Variants in ROBO1 observed in about 807,000 individuals in gnomAD.
ROBO1 encodes the protein roundabout homolog 1.
In ROBO1, 149 loss-of-function variants were observed where a neutral mutation model predicts 195.9. The observed-to-expected ratio is 0.76, with a 90% CI of 0.67 to 0.87. The LOEUF (loss-of-function observed/expected upper bound fraction) is 0.87, where lower values mean the gene tolerates loss of function less well. Ranked by LOEUF, ROBO1 falls within the 40% of genes least tolerant of loss-of-function variation. The pLI is 0.00. For synonymous variants in ROBO1, 816 were observed against 733.2 expected (o/e 1.11, Z -1.82); for missense variants, 1,933 against 2,068.3 (o/e 0.93, Z 1.27).
intron 2 of ROBO1, among the ~76,000 whole-genome samples, chr3:79,508,725 A>G (rs1940543208): frequency 6.6e-6 from 1 of 152,176 alleles, no homozygotes; most frequent in Non-Finnish European, 1.5e-5. Flanking sequence ...AAAAATCAAA[A>G]ATATAAATGA....
intron 3 of ROBO1, among the ~76,000 whole-genome samples, chr3:78,988,359 T>C (rs2077160617): frequency 6.6e-6 from 1 of 152,140 alleles, no homozygotes; most frequent in Non-Finnish European, 1.5e-5. Context: ...GGATTTCAAT[T>C]AGCAAAAATT....
chr3:78,979,629 C>A (rs2076950293), intron 3 of ROBO1, among the ~76,000 whole-genome samples: 2 of 152,086 alleles, frequency 1.3e-5, no homozygotes, highest in South Asian at 4.1e-4. Context: ...ACTTCTTTAG[C>A]TTTCAACCCC....
At chr3:78,991,215 A>C (rs1036395856) in intron 3 of ROBO1, among the ~76,000 whole-genome samples, 4 of 152,156 alleles carry the variant, frequency 2.6e-5, no homozygotes, top group Non-Finnish European at 4.4e-5. Context: ...AGATGGAAAA[A>C]CAATTGGGGT....
intron 2 of ROBO1, among the ~76,000 whole-genome samples, chr3:79,167,131 G>C (rs1411005457): frequency 3.0e-5 from 4 of 134,194 alleles, no homozygotes; most frequent in Non-Finnish European, 6.3e-5. Flanking sequence ...TCAAGATACT[G>C]CTGATAATAT....
intron 1 of ROBO1, among the ~76,000 whole-genome samples, chr3:79,603,370 C>A (rs989757771): frequency 6.6e-6 from 1 of 151,978 alleles, no homozygotes. Flanking sequence ...GGGCATCTCA[C>A]CCTCTTGACA....
intron 28 of ROBO1, among the ~76,000 whole-genome samples, chr3:78,614,446 T>G (rs146949208): frequency 1.0e-3 from 152 of 152,308 alleles, no homozygotes; most frequent in African/African-American, 3.6e-3. Flanking sequence ...TTTTTTTAAA[T>G]AACAAGCTTA....
intron 3 of ROBO1, among the ~76,000 whole-genome samples, chr3:79,067,548 A>T (rs72892079): frequency 0.027 from 4,044 of 152,088 alleles, 183 homozygotes; most frequent in African/African-American, 0.091. Flanking sequence ...TCTGAATCTC[A>T]GGTCACTTTC....
chr3:79,561,868 A>T (rs960873845), intron 2 of ROBO1, among the ~76,000 whole-genome samples: 3 of 152,182 alleles, frequency 2.0e-5, no homozygotes, highest in Admixed American at 2.0e-4. Context: ...TCTATTAGAC[A>T]TAAAATGCCT....
chr3:79,565,664 C>G (rs913360403), intron 2 of ROBO1, among the ~76,000 whole-genome samples: 6 of 152,018 alleles, frequency 3.9e-5, no homozygotes, highest in Non-Finnish European at 8.8e-5. Flanking sequence ...AGAGTGAAAG[C>G]TGACCTTAAG....
At chr3:78,957,244 T>G (rs1446088592) in intron 3 of ROBO1, among the ~76,000 whole-genome samples, 2 of 151,488 alleles carry the variant, frequency 1.3e-5, no homozygotes, top group Admixed American at 6.6e-5. Context: ...TCGAAATATA[T>G]GTACTAAATG....
chr3:78,789,088 G>T (rs2083938965), intron 4 of ROBO1, among the ~76,000 whole-genome samples: 1 of 152,162 alleles, frequency 6.6e-6, no homozygotes, highest in South Asian at 2.1e-4. Flanking sequence ...TAGTAAGTCT[G>T]AATACAGCGC....
At chr3:79,529,431 C>T (rs557077030) in intron 2 of ROBO1, among the ~76,000 whole-genome samples, 6 of 152,266 alleles carry the variant, frequency 3.9e-5, no homozygotes, top group South Asian at 4.1e-4. Context: ...TTGTCTGGAT[C>T]GTGCCACTGC....
Position 78,952,322 on chromosome 3 carries a change from C to T in ROBO1, c.173-13395G>A, listed in dbSNP as rs868548223. On this transcript the variant is annotated intron_variant, in intron 3 of 30. Coordinates refer to ENST00000464233, the MANE Select transcript of ROBO1 (RefSeq NM_002941.4). ...AATAGACAATTAATAGAGAATTTGG[C>T]GACATCTGTCCAAGGTGGGGACAGG... is the stretch of plus-strand genomic sequence containing the variant. 1.5e-4 allele frequency among the ~76,000 whole-genome samples: 23 copies of T among 150,066 alleles called. 1 individual carries two copies. The highest frequency in any genetic ancestry group is 5.1e-4 in the African/African-American group (21 of 41,188).
At chr3:78,680,406 T>C (rs1290489192) in intron 10 of ROBO1, among the ~76,000 whole-genome samples, 1 of 151,912 alleles carries the variant, frequency 6.6e-6, no homozygotes, top group South Asian at 2.1e-4. Context: ...ACCTACAAAA[T>C]GGGAGAAAAT....
chr3:79,731,974 T>C (rs1703166888), intron 1 of ROBO1, among the ~76,000 whole-genome samples: 1 of 152,138 alleles, frequency 6.6e-6, no homozygotes, highest in Non-Finnish European at 1.5e-5. Flanking sequence ...AATTGAGTTA[T>C]TATGTGATTT....
intron 2 of ROBO1, among the ~76,000 whole-genome samples, chr3:79,150,555 T>G (rs937688380): frequency 6.6e-6 from 1 of 151,802 alleles, no homozygotes; most frequent in Non-Finnish European, 1.5e-5. Context: ...AGTTATAAAA[T>G]TAAATACTTA....
chr3:79,097,696 TG>T (rs2079596075), intron 3 of ROBO1, among the ~76,000 whole-genome samples: 1 of 151,704 alleles, frequency 6.6e-6, no homozygotes, highest in African/African-American at 2.4e-5. Flanking sequence ...GCCTGAAACC[TG>T]TGGAAAAAAA....
At chr3:78,790,143 T>A (rs960721997) in intron 4 of ROBO1, among the ~76,000 whole-genome samples, 4 of 152,140 alleles carry the variant, frequency 2.6e-5, no homozygotes, top group African/African-American at 9.7e-5. Flanking sequence ...GACAGCTTTG[T>A]TTTCTAACTT....
intron 10 of ROBO1, among the ~76,000 whole-genome samples, chr3:78,672,446 G>T (rs1575893363): frequency 6.6e-6 from 1 of 151,754 alleles, no homozygotes; most frequent in African/African-American, 2.4e-5. Flanking sequence ...AAATAAATTA[G>T]CCGGCCATGG....
Sources: allele counts gnomAD v4.1 joint callset (sites outside exome capture counted in the v4.1 genomes callset), GRCh38; gene constraint gnomAD v4.1.1; transcripts MANE v1.5; gene names NCBI Gene and HGNC (gene_info 2026-07-23, HGNC 2026-07-21).